The following CADM2 variants were observed in gnomAD, a reference collection of about 807,000 sequenced individuals.
The protein encoded by CADM2 is immunoglobulin superfamily member 4D.
In CADM2, 12 loss-of-function variants were observed where a neutral mutation model predicts 49.8. That is an observed-to-expected ratio of 0.24 (90% CI 0.15 to 0.39). The LOEUF (loss-of-function observed/expected upper bound fraction) is 0.39. Ranked by LOEUF, CADM2 falls within the 10% of genes least tolerant of loss-of-function variation. The pLI is 1.00. For missense variants in CADM2, 378 were observed against 492.3 expected, an observed-to-expected ratio of 0.77 and a Z score of 2.20; for synonymous variants, 214 against 175.4, an observed-to-expected ratio of 1.22 and a Z score of -1.74.
chr3:85,013,805 A>G (rs1239063711), intron 1 of CADM2, among the ~76,000 whole-genome samples: 2 of 147,970 alleles, frequency 1.4e-5, no homozygotes, highest in South Asian at 4.2e-4. Flanking sequence ...GGGCAGTAGT[A>G]ATTAATTTTA....
intron 8 of CADM2, among the ~76,000 whole-genome samples, chr3:85,998,785 T>C (rs1729753568): frequency 6.6e-6 from 1 of 151,906 alleles, no homozygotes; most frequent in African/African-American, 2.4e-5. Flanking sequence ...ATTGGAGAAA[T>C]CTAGATAATT....
chr3:85,578,241 A>G (rs1171389865), intron 1 of CADM2, among the ~76,000 whole-genome samples: 1 of 152,082 alleles, frequency 6.6e-6, no homozygotes, highest in African/African-American at 2.4e-5. Context: ...AGATGCACTA[A>G]TGATTATGTA....
At position 85,425,592 on chromosome 3, in the gene CADM2, A is replaced by C. The variant is rs2036363845; in HGVS notation, c.62-300930A>C. On this transcript the variant is annotated intron_variant, in intron 1 of 9. Coordinates refer to ENST00000383699, the MANE Select transcript of CADM2 (RefSeq NM_001167675.2). ...TCGCTATGGTGCTATTGAACACTTGAACTTATTCCACCTATCTATCTATAA... is the reference window on the plus strand; with the variant it reads ...TCGCTATGGTGCTATTGAACACTTGCACTTATTCCACCTATCTATCTATAA... 5.9e-5 allele frequency among the ~76,000 whole-genome samples: 9 copies of C among 152,152 alleles called. No homozygotes were observed. In the South Asian group the frequency reaches 1.9e-3, roughly 32 times the overall value.
At chr3:85,117,959 C>T (rs548985650) in intron 1 of CADM2, among the ~76,000 whole-genome samples, 1 of 152,256 alleles carries the variant, frequency 6.6e-6, no homozygotes, top group Non-Finnish European at 1.5e-5. Flanking sequence ...GTATTCTTCT[C>T]AACTTTGTTT....
rs562279350 is a variant in CADM2 at position 85,661,820 on chromosome 3, A to AT, written c.62-64695dup. ...GGGATTTATAGACCTTCCAAAACTC[A>AT]TTTTTTTAACTTTTACCTTATTAGT... On this transcript the variant is annotated intron_variant, in intron 1 of 9. Transcript: ENST00000383699. Among the ~76,000 whole-genome samples the AT allele has an allele frequency of 1.3e-3, 199 of 152,090 alleles. 1 individual carries two copies. Among genetic ancestry groups the AT allele is most frequent in the Middle Eastern group, 0.01 (3 of 294 alleles).
At chr3:85,978,597 A>C (rs1167830521) in intron 8 of CADM2, among the ~76,000 whole-genome samples, 1 of 151,688 alleles carries the variant, frequency 6.6e-6, no homozygotes, top group African/African-American at 2.4e-5. Context: ...ATTTGTGAGA[A>C]CAGGAGAAGC....
chr3:86,073,110 A>C lies in CADM2; in HGVS notation c.*6327A>C, dbSNP rs1470708129. The stretch of plus-strand genomic sequence containing the variant: ...TCATTCAAACAAAAAATATTCCCTC[A>C]AGAAAGCTCCATTTTTATCATAAAC... On this transcript the variant is annotated 3_prime_UTR_variant, in exon 10 of 10. Transcript: ENST00000383699. 2 of 152,094 alleles carry C rather than the reference A, an allele frequency of 1.3e-5. No homozygotes were observed. The highest frequency in any genetic ancestry group is 2.4e-5 in the African/African-American group (1 of 41,450). The allele number at this position is 152,094 out of a possible 1,614,324, so 9.4% of individuals were successfully genotyped here.
At chr3:85,638,174 G>A (rs543201158) in intron 1 of CADM2, among the ~76,000 whole-genome samples, 1 of 152,196 alleles carries the variant, frequency 6.6e-6, no homozygotes, top group South Asian at 2.1e-4. Context: ...CTTGAATTAA[G>A]TCAGACAAAA....
chr3:85,313,914 G>A (rs1205720201), intron 1 of CADM2, among the ~76,000 whole-genome samples: 1 of 152,042 alleles, frequency 6.6e-6, no homozygotes, highest in African/African-American at 2.4e-5. Flanking sequence ...ATTTTGAGAT[G>A]GAGTCTCTCT....
At chr3:86,006,458 A>T (rs1240835951) in intron 8 of CADM2, among the ~76,000 whole-genome samples, 1 of 152,226 alleles carries the variant, frequency 6.6e-6, no homozygotes, top group Non-Finnish European at 1.5e-5. Flanking sequence ...TGTGTGGAGC[A>T]GCACTCAACC....
chr3:85,474,861 G>A (rs1199844104), intron 1 of CADM2, among the ~76,000 whole-genome samples: 1 of 151,668 alleles, frequency 6.6e-6, no homozygotes, highest in Non-Finnish European at 1.5e-5. Context: ...GGCTGTAAAT[G>A]GTCACCTCCT....
intron 8 of CADM2, among the ~76,000 whole-genome samples, chr3:86,000,512 C>A (rs959386094): frequency 2.0e-5 from 3 of 151,912 alleles, no homozygotes; most frequent in Admixed American, 6.6e-5. Flanking sequence ...ATATAGAGTT[C>A]TCTGATTTGC....
intron 1 of CADM2, among the ~76,000 whole-genome samples, chr3:85,292,298 A>G (rs1414311110): frequency 6.7e-6 from 1 of 150,162 alleles, no homozygotes; most frequent in African/African-American, 2.5e-5. Context: ...GCAAGTCCTG[A>G]GTGACCTACA....
chr3:84,991,129 A>G (rs1053726168), intron 1 of CADM2, among the ~76,000 whole-genome samples: 3 of 152,058 alleles, frequency 2.0e-5, no homozygotes, highest in Non-Finnish European at 2.9e-5. Flanking sequence ...GTACTTATGC[A>G]TCTGTACTCT....
At chr3:85,410,478 G>T (rs1393134221) in intron 1 of CADM2, among the ~76,000 whole-genome samples, 1 of 152,048 alleles carries the variant, frequency 6.6e-6, no homozygotes, top group Non-Finnish European at 1.5e-5. Context: ...TGCCATTTGT[G>T]TGTAATTTGT....
intron 8 of CADM2, among the ~76,000 whole-genome samples, chr3:86,043,663 C>A (rs955638924): frequency 6.6e-6 from 1 of 152,296 alleles, no homozygotes; most frequent in South Asian, 2.1e-4. Context: ...TCAATGCCAT[C>A]TCCACCAAGC....
At chr3:85,435,082 A>G (rs1393516678) in intron 1 of CADM2, among the ~76,000 whole-genome samples, 1 of 152,150 alleles carries the variant, frequency 6.6e-6, no homozygotes, top group Non-Finnish European at 1.5e-5. Context: ...CAGGTTTGTT[A>G]CATAGTATAC....
At chr3:85,689,664 G>C (rs1372924707) in intron 1 of CADM2, among the ~76,000 whole-genome samples, 4 of 152,162 alleles carry the variant, frequency 2.6e-5, no homozygotes, top group Non-Finnish European at 5.9e-5. Context: ...GACATGTTCA[G>C]AGCTGTTCTT....
Position 85,584,685 on chromosome 3 carries a change from G to A in CADM2, c.62-141837G>A, listed in dbSNP as rs528524675. 2.2e-4 allele frequency among the ~76,000 whole-genome samples: 34 copies of A among 152,142 alleles called. No homozygotes were observed. The South Asian group carries it at 6.2e-3, about 28-fold the overall frequency. ...AAGAAAAATAGGATGATATTGGAAC[G>A]TGCATTGTCTTTGTAAGGGAAGCAC... On this transcript the variant is annotated intron_variant, in intron 1 of 9. Coordinates refer to ENST00000383699, the MANE Select transcript of CADM2 (RefSeq NM_001167675.2).
Sources: allele counts gnomAD v4.1 joint callset (sites outside exome capture counted in the v4.1 genomes callset), GRCh38; gene constraint gnomAD v4.1.1; transcripts MANE v1.5; gene names NCBI Gene and HGNC (gene_info 2026-07-23, HGNC 2026-07-21).